Variants in MED1 observed in about 807,000 individuals in gnomAD.
The protein encoded by MED1 is mediator of RNA polymerase II transcription subunit 1.
A neutral mutation model predicts 121.3 loss-of-function variants in MED1; 17 were observed. The observed-to-expected ratio is 0.14, with a 90% CI of 0.10 to 0.21. The LOEUF (loss-of-function observed/expected upper bound fraction) is 0.21, where lower values mean the gene tolerates loss of function less well. Among genes scored for constraint, MED1 ranks in the 10% least tolerant of loss-of-function variants. The pLI is 1.00. For missense variants in MED1, 1,558 were observed against 1,919.4 expected (o/e 0.81, Z 3.52); for synonymous variants, 661 against 694.4 (o/e 0.95, Z 0.76).
At chr17:39,414,104 G>A (rs1444760650) in intron 16 of MED1, among the ~76,000 whole-genome samples, 1 of 151,366 alleles carries the variant, frequency 6.6e-6, no homozygotes, top group East Asian at 2.0e-4. Flanking sequence ...GCACATGCCT[G>A]TAATCCTAGC....
chr17:39,440,725 T>A lies in MED1; in HGVS notation c.212-48A>T. 1 of 1,498,188 alleles carries A rather than the reference T, an allele frequency of 6.7e-7. No homozygotes were observed. Among genetic ancestry groups the A allele is most frequent in the Non-Finnish European group, 9.2e-7 (1 of 1,086,692 alleles). The allele number at this position is 1,498,188 out of a possible 1,614,324, so 92.8% of individuals were successfully genotyped here. Reference sequence around the variant, plus strand: ...GTCACAAAGAATGCTCCAAATGACTTAAATGATATTCTTTTAAGACAGAAA... The same window carrying A: ...GTCACAAAGAATGCTCCAAATGACTAAAATGATATTCTTTTAAGACAGAAA... On this transcript the variant is annotated intron_variant, in intron 3 of 16. Transcript: ENST00000300651. This position sits in a 1 kb window ranked among gnomAD's most constrained non-coding sequence, Gnocchi z 4.1.
At chr17:39,436,190 G>A (rs892408885) in intron 6 of MED1, among the ~76,000 whole-genome samples, 4 of 151,474 alleles carry the variant, frequency 2.6e-5, no homozygotes, top group Middle Eastern at 3.4e-3. Context: ...ATGAAACCTC[G>A]TCTCTACTAA....
At position 39,431,104 on chromosome 17, in the gene MED1, G is replaced by C; in HGVS notation, c.649+11C>G. 7 of 1,601,750 alleles carry C rather than the reference G, an allele frequency of 4.4e-6. No homozygotes were observed. Among genetic ancestry groups the C allele is most frequent in the Non-Finnish European group, 6.0e-6 (7 of 1,169,572 alleles). ...CACATGTTTCTAAACAAGCAAAATA[G>C]GATCACGTACCCCCACTCCTTGGTG... On this transcript the variant is annotated intron_variant, in intron 9 of 16. Transcript: ENST00000300651.
In MED1 at chr17:39,451,202, G is replaced by A; in HGVS notation, c.-140C>T. 1.1e-6 allele frequency: 1 copy of A among 943,130 alleles called. No homozygotes were observed. Among genetic ancestry groups the A allele is most frequent in the Non-Finnish European group, 1.6e-6 (1 of 623,886 alleles). 58.4% of individuals were successfully genotyped at this position (943,130 alleles called of 1,614,324 possible). Reference sequence around the variant, plus strand: ...TCTTCCCGGGAAGGATCAATCTGAAGTCCCCGGCGGCAAGAAGAGAAGGGT... The same window carrying A: ...TCTTCCCGGGAAGGATCAATCTGAAATCCCCGGCGGCAAGAAGAGAAGGGT... On this transcript the variant is annotated 5_prime_UTR_variant, in exon 1 of 17. Coordinates refer to ENST00000300651, the MANE Select transcript of MED1 (RefSeq NM_004774.4).
rs981465082 is a variant in MED1, at chr17:39,406,152, C to T, written c.*1323G>A. The T allele has an allele frequency of 2.5e-5, 25 of 985,528 alleles. No individual in the cohort carries two copies. The highest frequency in any genetic ancestry group is 2.9e-5 in the Non-Finnish European group (24 of 829,922). 61.0% of individuals were successfully genotyped at this position (985,528 alleles called of 1,614,324 possible). On this transcript the variant is annotated 3_prime_UTR_variant, in exon 17 of 17. Transcript: ENST00000300651. ...ATGTCCCCCAGAATCCAGACTCAGA[C>T]CTATTTCTCCAAAAAGGTCCAATTG...
intron 16 of MED1, among the ~76,000 whole-genome samples, chr17:39,412,439 G>A (rs1319937081): frequency 6.6e-6 from 1 of 150,928 alleles, no homozygotes; most frequent in East Asian, 1.9e-4. Context: ...TGTCAGTCAG[G>A]CTGGTCTCGA....
At chr17:39,420,474 T>A (rs2048451834) in intron 13 of MED1, among the ~76,000 whole-genome samples, 1 of 152,132 alleles carries the variant, frequency 6.6e-6, no homozygotes, top group South Asian at 2.1e-4. Flanking sequence ...GTGCTGGGAT[T>A]ACAGGAATAA....
intron 10 of MED1, among the ~76,000 whole-genome samples, chr17:39,426,527 G>C (rs1400644763): frequency 6.6e-6 from 1 of 152,042 alleles, no homozygotes; most frequent in East Asian, 1.9e-4. Context: ...ACCTAAGGAG[G>C]TATTAGTCCA....
chr17:39,409,969 G>C lies in MED1; in HGVS notation c.2252C>G (p.Thr751Ser), dbSNP rs765844453. ...APSQCSTPPT[T>S]YPQPVPHPQP... ...GGGGTGAGGTACTGGTTGTGGGTAA[G>C]TTGTTGGGGGAGTGCTACACTGGCT... Residue 751 changes from threonine to serine, a missense_variant, in exon 17 of 17, where the codon ACT becomes AGT. Physicochemically the swap from Thr to Ser is moderately conservative, Grantham distance 58 (BLOSUM62 1). Around this residue, in one of 5 missense-constraint regions of MED1, gnomAD observed 793 missense variants for 898.2 expected, o/e 0.88. Coordinates refer to ENST00000300651, the MANE Select transcript of MED1 (RefSeq NM_004774.4). 1 of 1,614,136 alleles carries C rather than the reference G, an allele frequency of 6.2e-7. No individual in the cohort carries two copies. Among genetic ancestry groups the C allele is most frequent in the South Asian group, 1.1e-5 (1 of 91,076 alleles).
Position 39,409,658 on chromosome 17 carries a change from T to G in MED1, c.2563A>C (p.Thr855Pro), listed in dbSNP as rs1397543298. ...AAGSPSSDSPTNHFFHDGVDF... is the reference protein window; with the variant it reads ...AAGSPSSDSPPNHFFHDGVDF... The stretch of plus-strand genomic sequence containing the variant: ...ACTCCATCATGAAAAAAATGATTGG[T>G]AGGAGAGTCACTACTGGGGCTTCCA... Residue 855 changes from threonine to proline, a missense_variant, in exon 17 of 17, where the codon ACC (threonine) becomes CCC (proline). By Grantham distance (38) the Thr-to-Pro change is conservative. Transcript: ENST00000300651. 6.8e-6 allele frequency: 11 copies of G among 1,614,002 alleles called. No individual in the cohort carries two copies. The highest frequency in any genetic ancestry group is 1.1e-5 in the South Asian group (1 of 91,088).
intron 1 of MED1, among the ~76,000 whole-genome samples, chr17:39,448,661 G>A (rs1323023840): frequency 6.6e-6 from 1 of 152,070 alleles, no homozygotes; most frequent in Non-Finnish European, 1.5e-5. Context: ...TGTAATCCCA[G>A]CACTTTGGGA....
At chr17:39,437,268 G>C (rs983163945) in intron 6 of MED1, among the ~76,000 whole-genome samples, 3 of 152,124 alleles carry the variant, frequency 2.0e-5, no homozygotes, top group Non-Finnish European at 1.5e-5. Flanking sequence ...TGTAGAGACA[G>C]GGTTTCGCCA....
At position 39,440,755 on chromosome 17, in the gene MED1, C is replaced by CGCTCCCT; in HGVS notation, c.212-79_212-78insAGGGAGC. 1.5e-6 allele frequency: 2 copies of CGCTCCCT among 1,355,370 alleles called. No individual in the cohort carries two copies. Among genetic ancestry groups the CGCTCCCT allele is most frequent in the Non-Finnish European group, 2.1e-6 (2 of 965,030 alleles). The allele number at this position is 1,355,370 out of a possible 1,614,324, so 84.0% of individuals were successfully genotyped here. On this transcript the variant is annotated intron_variant, in intron 3 of 16. Transcript: ENST00000300651. This position sits in a 1 kb window ranked among gnomAD's most constrained non-coding sequence, Gnocchi z 4.1. ...GATATTCTTTTAAGACAGAAAGATTCATCCTTCCAAAACCGTAAACATATT... is the reference window on the plus strand; with the variant it reads ...GATATTCTTTTAAGACAGAAAGATTCGCTCCCTATCCTTCCAAAACCGTAAACATATT...
At chr17:39,437,098 A>G (rs2048626725) in intron 6 of MED1, among the ~76,000 whole-genome samples, 1 of 152,046 alleles carries the variant, frequency 6.6e-6, no homozygotes, top group Non-Finnish European at 1.5e-5. Context: ...ACGCACGGCT[A>G]ATTTTGTATT....
chr17:39,420,987 G>A (rs550607647), intron 13 of MED1, among the ~76,000 whole-genome samples: 1 of 151,368 alleles, frequency 6.6e-6, no homozygotes, highest in Non-Finnish European at 1.5e-5. Flanking sequence ...TAGTAGTGAC[G>A]GGGTTTCACC....
At chr17:39,438,598 G>A (rs573959678) in intron 6 of MED1, among the ~76,000 whole-genome samples, 7 of 151,744 alleles carry the variant, frequency 4.6e-5, no homozygotes, top group East Asian at 1.9e-4. Flanking sequence ...TGATCCACCC[G>A]CCTCAGCCTC....
Position 39,410,736 on chromosome 17 carries a change from A to C in MED1, c.1500-15T>G. The C allele has an allele frequency of 6.3e-7, 1 of 1,576,396 alleles. No individual in the cohort carries two copies. The highest frequency in any genetic ancestry group is 1.4e-5 in the African/African-American group (1 of 73,674). The stretch of plus-strand genomic sequence containing the variant: ...TGGACATACATCTGCAAAATAAAGA[A>C]GAAAACAAAGTTAACATTGCAATAG... On this transcript the variant is annotated splice_polypyrimidine_tract_variant and intron_variant, in intron 16 of 16. Coordinates refer to ENST00000300651, the MANE Select transcript of MED1 (RefSeq NM_004774.4).
intron 13 of MED1, among the ~76,000 whole-genome samples, chr17:39,420,918 C>G (rs369102578): frequency 6.6e-6 from 1 of 150,880 alleles, no homozygotes; most frequent in Admixed American, 6.6e-5. Flanking sequence ...GCCTCAGCCT[C>G]CCAAGTAGCT....
chr17:39,449,514 C>CT (rs111864908), intron 1 of MED1, among the ~76,000 whole-genome samples: 49 of 122,880 alleles, frequency 4.0e-4, no homozygotes, highest in African/African-American at 7.5e-4. Context: ...AATTTTTTTT[C>CT]TTTTTTTTTT....
Sources: allele counts gnomAD v4.1 joint callset (sites outside exome capture counted in the v4.1 genomes callset), GRCh38; gene constraint gnomAD v4.1.1; regional missense constraint gnomAD v4.1.1; non-coding constraint Gnocchi (gnomAD v3.1); transcripts MANE v1.5; gene names NCBI Gene and HGNC (gene_info 2026-07-23, HGNC 2026-07-21).